PLEC: variants seen among roughly 807,000 people sequenced by gnomAD.
The protein encoded by PLEC is plectin.
PLEC carries 216 observed loss-of-function variants against 392.8 expected under a neutral mutation model. That is an observed-to-expected ratio of 0.55 (90% CI 0.49 to 0.62). The LOEUF is 0.62. Among genes scored for constraint, PLEC ranks in the 20% least tolerant of loss-of-function variants. The pLI is 0.00. For missense variants in PLEC, 6,863 were observed against 6,563.4 expected, an observed-to-expected ratio of 1.05 and a Z score of -1.58; for synonymous variants, 3,621 against 2,980.6, an observed-to-expected ratio of 1.21 and a Z score of -7.00.
rs782284581 is a variant in PLEC, at chr8:143,919,973, T to C, written c.9848A>G (p.Lys3283Arg). The change falls in exon 32 of 32, where the codon AAG becomes AGG. Residue 3283 changes from lysine (K) to arginine (R), a missense_variant. Physicochemically the swap from Lys to Arg is conservative, Grantham distance 26 (BLOSUM62 2). Transcript: ENST00000345136. ...QFRTGKVTVE[K>R]VIKILITIVE... ...GATGGTAATGAGAATCTTGATGACC[T>C]TCTCCACGGTGACCTTGCCCGTGCG... 6.2e-7 allele frequency: 1 copy of C among 1,613,350 alleles called. No homozygotes were observed. Among genetic ancestry groups the C allele is most frequent in the South Asian group, 1.1e-5 (1 of 91,082 alleles).
upstream of PLEC, chr8:143,953,593 G>C: frequency 1.0e-6 from 1 of 993,898 alleles, no homozygotes; most frequent in Non-Finnish European, 1.6e-6. Flanking sequence ...GTCTCCTGCG[G>C]CTCTGGCTCA....
rs782789434 is a variant in PLEC, at chr8:143,917,100, C to T, written c.12721G>A (p.Gly4241Ser). 128 of 1,605,468 alleles carry T rather than the reference C, an allele frequency of 8.0e-5. No individual in the cohort carries two copies. In the Middle Eastern group the frequency reaches 8.3e-4, roughly 10 times the overall value. ...EFADMLSGNA[G>S]GFRSRSSSVG... ...GAGGAGGAACGGGAGCGGAAACCAC[C>T]GGCGTTGCCCGAGAGCATGTCGGCG... is the stretch of plus-strand genomic sequence containing the variant. Residue 4241 changes from glycine to serine, a missense_variant, in exon 32 of 32, where the codon GGT becomes AGT. Physicochemically the swap from Gly to Ser is moderately conservative, Grantham distance 56. Transcript: ENST00000345136.
chr8:143,920,887 G>T lies in PLEC; in HGVS notation c.8934C>A (p.Arg2978=). The T allele has an allele frequency of 6.2e-7, 1 of 1,611,578 alleles. No individual in the cohort carries two copies. Residue 2978 remains arginine, a synonymous_variant, in exon 32 of 32, where the codon CGC becomes CGA. Coordinates refer to ENST00000345136, the MANE Select transcript of PLEC (RefSeq NM_201384.3). ...QKGRLCFEGL[R]SLVPAAELLE... ...GCAGCTCGGCGGCTGGCACCAGGCT[G>T]CGCAGGCCCTCAAAGCAAAGCCGGC...
intron 1 of PLEC, among the ~76,000 whole-genome samples, chr8:143,947,250 C>G (rs1319381664): frequency 1.3e-5 from 2 of 152,176 alleles, no homozygotes; most frequent in Non-Finnish European, 2.9e-5. Flanking sequence ...GCGTGTCCTC[C>G]GTGTAGAGGG....
At position 143,923,634 on chromosome 8, in the gene PLEC, G is replaced by C. The variant is rs1564024536; in HGVS notation, c.6295C>G (p.Gln2099Glu). The part of the protein sequence containing the change: ...AAEEAEEARV[Q>E]AEREAAQSRR... ...GACTGCGCCGCCTCACGCTCCGCCT[G>C]CACCCGGGCCTCCTCCGCCTCCTCA... The change falls in exon 31 of 32, where the codon CAG becomes GAG. Residue 2099 changes from glutamine (Q) to glutamate (E), a missense_variant. Transcript: ENST00000345136. 2 of 1,584,044 alleles carry C rather than the reference G, an allele frequency of 1.3e-6. No individual in the cohort carries two copies. The highest frequency in any genetic ancestry group is 1.7e-6 in the Non-Finnish European group (2 of 1,172,660).
intron 3 of PLEC, 130 bp downstream of exon 3, chr8:143,938,021 G>A: frequency 1.4e-6 from 1 of 692,116 alleles, no homozygotes; most frequent in South Asian, 1.7e-5. Flanking sequence ...CCTGCCCCCA[G>A]GGAGAAGGCA....
rs144486988 is a variant in PLEC, at chr8:143,965,776, G to A, written c.70+7627C>T. ...TCAGTGGTGAGCAGCAGTCTGGACT[G>A]GCCACTGATGATGTGTGGCTGGGTA... is the stretch of plus-strand genomic sequence containing the variant. On this transcript the variant is annotated intron_variant, in intron 1 of 31. Coordinates refer to the PLEC transcript ENST00000356346. Among the ~76,000 whole-genome samples the A allele has an allele frequency of 5.1e-3, 779 of 152,310 alleles. 7 individuals are homozygous for A. Among genetic ancestry groups the A allele is most frequent in the Middle Eastern group, 0.017 (5 of 294 alleles).
At chr8:143,968,434 G>T (rs1833230440) in intron 1 of PLEC, among the ~76,000 whole-genome samples, 1 of 150,546 alleles carries the variant, frequency 6.6e-6, no homozygotes, top group African/African-American at 2.5e-5. Context: ...GCCAGGTGTG[G>T]TGGCAGACGC....
At chr8:143,957,074 C>T (rs551691700), upstream of PLEC, among the ~76,000 whole-genome samples, 2 of 152,130 alleles carry the variant, frequency 1.3e-5, no homozygotes, top group Admixed American at 6.5e-5. Flanking sequence ...GGGAGGGGGG[C>T]GCCTGGAGAC....
In PLEC at chr8:143,932,849, G is replaced by A; in HGVS notation, c.1681C>T (p.Leu561=). The stretch of plus-strand genomic sequence containing the variant: ...CGGAATTCTTCGATGGACTGGTGCA[G>A]GCCTCGGTGGCTGCCCAGCTGCGCC... The part of the protein sequence containing the change: ...VEAQLGSHRG[L]HQSIEEFRAK... The change falls in exon 14 of 32, where the codon CTG becomes TTG. Residue 561 remains leucine (L), a synonymous_variant. Coordinates refer to ENST00000345136, the MANE Select transcript of PLEC (RefSeq NM_201384.3). 3 of 1,612,428 alleles carry A rather than the reference G, an allele frequency of 1.9e-6. No homozygotes were observed. Among genetic ancestry groups the A allele is most frequent in the Non-Finnish European group, 2.5e-6 (3 of 1,179,840 alleles).
intron 1 of PLEC, among the ~76,000 whole-genome samples, chr8:143,948,854 G>A (rs1406656579): frequency 6.6e-6 from 1 of 152,246 alleles, no homozygotes; most frequent in Non-Finnish European, 1.5e-5. Context: ...CCGGGGAGTG[G>A]GTGGGCAGGG....
Position 143,918,037 on chromosome 8 carries a change from G to A in PLEC, c.11784C>T (p.Phe3928=). Residue 3928 remains phenylalanine, a synonymous_variant, in exon 32 of 32, where the codon TTC becomes TTT. Transcript: ENST00000345136. Reference sequence around the variant, plus strand: ...CAGCGATGCAGCTGGTGCCTTCCAGGAACTTCTGCAAGTTCTTGGTGACCT... The same window carrying A: ...CAGCGATGCAGCTGGTGCCTTCCAGAAACTTCTGCAAGTTCTTGGTGACCT... ...IEEVTKNLQK[F]LEGTSCIAGV... is the part of the protein sequence containing the mutation. The A allele has an allele frequency of 6.2e-7, 1 of 1,608,906 alleles. No homozygotes were observed. The highest frequency in any genetic ancestry group is 1.3e-5 in the African/African-American group (1 of 74,964).
rs1554711313 is a variant in PLEC, at chr8:143,929,569, C to T, written c.2926G>A (p.Ala976Thr). ...QQLLQSLEQGAQEESRCQRCI... is the reference protein window; with the variant it reads ...QQLLQSLEQGTQEESRCQRCI... ...CGCTGGCAGCGAGACTCTTCCTGTG[C>T]ACCTGGGGAACACATGTGGGTCACT... Residue 976 changes from alanine to threonine, a missense_variant and splice_region_variant, in exon 24 of 32, where the codon GCA becomes ACA. Physicochemically the swap from Ala to Thr is moderately conservative, Grantham distance 58 (BLOSUM62 0). Coordinates refer to ENST00000345136, the MANE Select transcript of PLEC (RefSeq NM_201384.3). 4 of 1,612,448 alleles carry T rather than the reference C, an allele frequency of 2.5e-6. No individual in the cohort carries two copies. Among genetic ancestry groups the T allele is most frequent in the Non-Finnish European group, 3.4e-6 (4 of 1,179,916 alleles).
intron 3 of PLEC, chr8:143,937,568 C>T: frequency 2.1e-6 from 1 of 484,186 alleles, no homozygotes; most frequent in Non-Finnish European, 3.9e-6. Context: ...GCCACAGCAG[C>T]CACCGGTGGG....
At chr8:143,967,432 C>T (rs1833166774) in intron 1 of PLEC, among the ~76,000 whole-genome samples, 1 of 150,660 alleles carries the variant, frequency 6.6e-6, no homozygotes, top group Non-Finnish European at 1.5e-5. Context: ...TGGTGTGAGA[C>T]CCATCCATGG....
Position 143,920,527 on chromosome 8 carries a change from G to A in PLEC, c.9294C>T (p.Ala3098=), listed in dbSNP as rs376753842. Residue 3098 remains alanine, a synonymous_variant, in exon 32 of 32, where the codon GCC becomes GCT. Coordinates refer to ENST00000345136, the MANE Select transcript of PLEC (RefSeq NM_201384.3). ...GPEFHEKLLS[A]EKAVTGYRDP... Reference sequence around the variant, plus strand: ...CCCTGTACCCTGTCACAGCCTTCTCGGCTGATAGCAGCTTCTCATGAAACT... The same window carrying A: ...CCCTGTACCCTGTCACAGCCTTCTCAGCTGATAGCAGCTTCTCATGAAACT... 199 of 1,611,176 alleles carry A rather than the reference G, an allele frequency of 1.2e-4. 1 individual carries two copies. Among genetic ancestry groups the A allele is most frequent in the Middle Eastern group, 9.9e-4 (6 of 6,078 alleles).
rs1296431562 is a variant in PLEC, at chr8:143,921,043, C to A, written c.8778G>T (p.Glu2926Asp). The change falls in exon 32 of 32, where the codon GAG becomes GAT. Residue 2926 changes from glutamate to aspartate, a missense_variant. Physicochemically the swap from Glu to Asp is conservative, Grantham distance 45 (BLOSUM62 2). Coordinates refer to ENST00000345136, the MANE Select transcript of PLEC (RefSeq NM_201384.3). ...KFQGKTVTIW[E>D]IINSEYFTAE... ...CCGTGAAGTATTCCGAGTTGATGATCTCCCAAATGGTCACCGTCTTGCCCT... is the reference window on the plus strand; with the variant it reads ...CCGTGAAGTATTCCGAGTTGATGATATCCCAAATGGTCACCGTCTTGCCCT... 7 of 1,612,564 alleles carry A rather than the reference C, an allele frequency of 4.3e-6. No individual in the cohort carries two copies. The African/African-American group carries it at 9.3e-5, about 22-fold the overall frequency.
chr8:143,946,423 G>T, intron 1 of PLEC: 2 of 1,285,596 alleles, frequency 1.6e-6, no homozygotes, highest in South Asian at 2.5e-5. Flanking sequence ...TGCTCCGAGA[G>T]CCGGCAGGGA....
chr8:143,949,706 C>G (rs1003888230), intron 1 of PLEC, among the ~76,000 whole-genome samples: 4 of 152,196 alleles, frequency 2.6e-5, no homozygotes, highest in Non-Finnish European at 4.4e-5. Context: ...CCGGTCACAC[C>G]GGGCACTCTG....
Sources: allele counts gnomAD v4.1 joint callset (sites outside exome capture counted in the v4.1 genomes callset), GRCh38; gene constraint gnomAD v4.1.1; transcripts MANE v1.5; gene names NCBI Gene and HGNC (gene_info 2026-07-23, HGNC 2026-07-21).